The following BICRAL variants were observed in gnomAD, a reference collection of about 807,000 sequenced individuals.
BICRAL encodes BRD4-interacting chromatin-remodeling complex-associated protein-like.
A neutral mutation model predicts 91.8 loss-of-function variants in BICRAL; 8 were observed. The observed-to-expected ratio is 0.09, with a 90% confidence interval of 0.05 to 0.16. The LOEUF is 0.16. Among genes scored for constraint, BICRAL ranks in the 10% least tolerant of loss-of-function variants. The probability of loss-of-function intolerance (pLI) is 1.00; values close to 1 mark genes in which losing one functional copy is unlikely to be tolerated. For synonymous variants in BICRAL, 445 were observed against 491.1 expected (o/e 0.91, Z 1.24); for missense variants, 1,038 against 1,310.9 (o/e 0.79, Z 3.21).
chr6:42,806,707 G>GT (rs1483284764), intron 1 of BICRAL, among the ~76,000 whole-genome samples: 1 of 151,324 alleles, frequency 6.6e-6, no homozygotes, highest in Non-Finnish European at 1.5e-5. Context: ...TAGAGACAGG[G>GT]TTTTGCCATG....
chr6:42,752,469 G>A (rs1762394925), intron 1 of BICRAL, among the ~76,000 whole-genome samples: 3 of 152,146 alleles, frequency 2.0e-5, no homozygotes, highest in Admixed American at 2.0e-4. Flanking sequence ...TGCTTGCTGA[G>A]ACTGGGTCTC....
At chr6:42,793,703 A>G (rs1049090682) in intron 1 of BICRAL, among the ~76,000 whole-genome samples, 1 of 151,558 alleles carries the variant, frequency 6.6e-6, no homozygotes, top group African/African-American at 2.4e-5. Context: ...ATCACACAAC[A>G]TGAAGGTTTA....
intron 1 of BICRAL, among the ~76,000 whole-genome samples, chr6:42,791,716 G>A (rs1004439674): frequency 2.0e-5 from 3 of 151,894 alleles, no homozygotes; most frequent in African/African-American, 4.8e-5. Context: ...TTCTCACCTC[G>A]GCCTCCCAAA....
At chr6:42,814,932 A>G (rs542152525) in intron 2 of BICRAL, among the ~76,000 whole-genome samples, 1 of 150,158 alleles carries the variant, frequency 6.7e-6, no homozygotes, top group African/African-American at 2.5e-5. Flanking sequence ...TTTTTTTGAG[A>G]CAGGGTCTCA....
At chr6:42,864,534 T>C in intron 12 of BICRAL, 125 bp from the exon 13 acceptor site, 3 of 734,536 alleles carry the variant, frequency 4.1e-6, no homozygotes, top group Non-Finnish European at 4.6e-6. Context: ...TGTTCCTGTA[T>C]GTGAAGCAGA....
intron 1 of BICRAL, among the ~76,000 whole-genome samples, chr6:42,794,418 T>C (rs1352939527): frequency 6.5e-5 from 2 of 30,956 alleles, no homozygotes; most frequent in Admixed American, 4.2e-4. Flanking sequence ...ACTCTGTGTG[T>C]GTGTGTGTGT....
intron 2 of BICRAL, among the ~76,000 whole-genome samples, chr6:42,815,434 C>T (rs933482097): frequency 2.0e-5 from 3 of 151,842 alleles, no homozygotes; most frequent in Non-Finnish European, 2.9e-5. Context: ...TCAGGTGATC[C>T]GCCCATCTCG....
chr6:42,820,289 C>T (rs1374073135), intron 2 of BICRAL, among the ~76,000 whole-genome samples: 2 of 151,944 alleles, frequency 1.3e-5, no homozygotes, highest in Admixed American at 6.6e-5. Flanking sequence ...GTTCCAGAGA[C>T]GGACACTTAA....
At chr6:42,853,774 C>T (rs753874457) in intron 8 of BICRAL, 36 bp downstream of exon 8, 34 of 1,385,502 alleles carry the variant, frequency 2.5e-5, no homozygotes, top group Admixed American at 1.3e-4. Flanking sequence ...TCCTAATGTT[C>T]GGCATAATTG....
chr6:42,817,967 TA>T (rs11396430), intron 2 of BICRAL, among the ~76,000 whole-genome samples: 2,647 of 107,210 alleles, frequency 0.025, 33 homozygotes, highest in Middle Eastern at 0.03. Context: ...ACCCTATCTC[TA>T]AAAAAAAAAA....
intron 5 of BICRAL, among the ~76,000 whole-genome samples, chr6:42,827,520 T>C (rs1050381222): frequency 3.9e-5 from 6 of 152,256 alleles, no homozygotes; most frequent in African/African-American, 7.2e-5. Context: ...TCTTTTCAAA[T>C]TGCTTCATTC....
In BICRAL at chr6:42,830,254, T is replaced by C. The variant is rs1582852812; in HGVS notation, c.1839+82T>C. The C allele has an allele frequency of 4.9e-6, 7 of 1,414,824 alleles. No individual in the cohort carries two copies. The East Asian group carries it at 1.4e-4, about 28-fold the overall frequency. The allele number at this position is 1,414,824 out of a possible 1,614,324, so 87.6% of individuals were successfully genotyped here. ...TGTATTTACTAGAATATAATTTTCA[T>C]CCTAGGCATCCAATTTCTTAAAAAT... On this transcript the variant is annotated intron_variant, in intron 6 of 12. Transcript: ENST00000314073.
chr6:42,811,493 C>T lies in BICRAL; in HGVS notation c.-6+1092C>T, dbSNP rs931302937. Among the ~76,000 whole-genome samples the T allele has an allele frequency of 3.3e-5, 5 of 152,204 alleles. No individual in the cohort carries two copies. In the East Asian group the frequency reaches 5.8e-4, roughly 18 times the overall value. On this transcript the variant is annotated intron_variant, in intron 2 of 12. Coordinates refer to ENST00000314073, the MANE Select transcript of BICRAL (RefSeq NM_001393499.1). ...AAAATTAGCTGGGCGTGGTGGCGCA[C>T]GCCTGTAATCCCAGCTACTCGGGAG...
chr6:42,795,036 G>GA (rs1160408271), intron 1 of BICRAL, among the ~76,000 whole-genome samples: 1 of 151,798 alleles, frequency 6.6e-6, no homozygotes, highest in Non-Finnish European at 1.5e-5. Context: ...CTCACAAAGA[G>GA]AATTACGCAT....
At chr6:42,864,570 T>C in intron 12 of BICRAL, 89 bp from the exon 13 acceptor site, 8 of 1,021,632 alleles carry the variant, frequency 7.8e-6, no homozygotes, top group South Asian at 3.0e-5. Context: ...GGGCTGGCTT[T>C]GCCCTCAGCA....
chr6:42,799,515 T>C (rs6458308), intron 1 of BICRAL, among the ~76,000 whole-genome samples: 91,743 of 151,640 alleles, frequency 0.61, 30,305 homozygotes, highest in African/African-American at 0.89. Context: ...AGGATGGTCT[T>C]GATCTCTTGA....
chr6:42,783,675 G>T (rs1401225406), intron 1 of BICRAL, among the ~76,000 whole-genome samples: 2 of 152,330 alleles, frequency 1.3e-5, no homozygotes, highest in Admixed American at 6.5e-5. Flanking sequence ...CCCAAAAGAC[G>T]AGGCCGCCGG....
chr6:42,788,613 G>A (rs56976798), intron 1 of BICRAL, among the ~76,000 whole-genome samples: 8,035 of 152,226 alleles, frequency 0.053, 716 homozygotes, highest in African/African-American at 0.18. Context: ...GACAAAGAAT[G>A]GGGGCACAAG....
At chr6:42,852,826 G>A (rs147304741) in intron 7 of BICRAL, among the ~76,000 whole-genome samples, 23 of 151,760 alleles carry the variant, frequency 1.5e-4, no homozygotes, top group Non-Finnish European at 2.8e-4. Context: ...GGCCGGGCAC[G>A]GTGGCTCACA....
Sources: gnomAD v4.1 joint callset for allele counts (sites outside exome capture counted in the v4.1 genomes callset) on GRCh38, gnomAD v4.1.1 for gene constraint, MANE v1.5 for transcripts, NCBI Gene and HGNC (gene_info 2026-07-23, HGNC 2026-07-21) for gene names.